The following EGFR variants were observed in gnomAD, a reference collection of about 807,000 sequenced individuals.
The protein encoded by EGFR is epidermal growth factor receptor, also known as avian erythroblastic leukemia viral (v-erb-b) oncogene homolog.
EGFR carries 58 observed loss-of-function variants against 143.0 expected under a neutral mutation model. That is an observed-to-expected ratio of 0.41 (90% CI 0.33 to 0.50). EGFR has a LOEUF of 0.50. Among genes scored for constraint, EGFR ranks in the 20% least tolerant of loss-of-function variants. EGFR has a pLI of 0.39. For synonymous variants in EGFR, 613 were observed against 594.4 expected, an observed-to-expected ratio of 1.03 and a Z score of -0.45; for missense variants, 1,307 against 1,579.0, an observed-to-expected ratio of 0.83 and a Z score of 2.92.
At chr7:55,085,702 C>A (rs17336031) in intron 1 of EGFR, among the ~76,000 whole-genome samples, 2 of 152,156 alleles carry the variant, frequency 1.3e-5, no homozygotes, top group African/African-American at 2.4e-5. Context: ...ATTCTGCTAA[C>A]GAAAATTGCG....
At chr7:55,183,949 G>A (rs1298257628) in intron 20 of EGFR, among the ~76,000 whole-genome samples, 1 of 152,172 alleles carries the variant, frequency 6.6e-6, no homozygotes, top group African/African-American at 2.4e-5. Flanking sequence ...AGGTGGTCGG[G>A]CCATCCGTGT....
intron 15 of EGFR, chr7:55,170,406 C>A (rs2128950618): frequency 1.2e-6 from 2 of 1,614,132 alleles, no homozygotes; most frequent in Non-Finnish European, 1.7e-6. Flanking sequence ...AGAGCGGGAG[C>A]CCAGCTGCTC....
chr7:55,094,473 A>G (rs1791323006), intron 1 of EGFR, among the ~76,000 whole-genome samples: 1 of 152,220 alleles, frequency 6.6e-6, no homozygotes, highest in Non-Finnish European at 1.5e-5. Context: ...CCTAAGATGT[A>G]GGCAGTTGAT....
At chr7:55,109,769 G>T in intron 1 of EGFR, 1 of 985,374 alleles carries the variant, frequency 1.0e-6, no homozygotes, top group Non-Finnish European at 1.2e-6. Flanking sequence ...TGACAAAAGG[G>T]CCTGTCTGGT....
intron 1 of EGFR, among the ~76,000 whole-genome samples, chr7:55,061,361 CAGCTGCTTCCAATT>C (rs1164046963): frequency 1.3e-5 from 2 of 152,188 alleles, no homozygotes; most frequent in African/African-American, 2.4e-5. Flanking sequence ...CCACTGTTGT[CAGCTGCTTCCAATT>C]AGCCCCCATA....
intron 15 of EGFR, chr7:55,166,445 G>A: frequency 2.0e-6 from 1 of 492,662 alleles, no homozygotes; most frequent in South Asian, 1.7e-5. Context: ...TCTGTAAATT[G>A]GGATAATAAT....
At chr7:55,170,707 C>T in intron 15 of EGFR, 2 of 1,528,152 alleles carry the variant, frequency 1.3e-6, no homozygotes, top group East Asian at 2.3e-5. Context: ...CCAGGACTGA[C>T]CTCTTCCTCC....
At chr7:55,099,593 G>A (rs181285068) in intron 1 of EGFR, among the ~76,000 whole-genome samples, 14 of 152,310 alleles carry the variant, frequency 9.2e-5, no homozygotes, top group African/African-American at 3.1e-4. Flanking sequence ...AAGAGACACC[G>A]AGGGGTTCAC....
chr7:55,203,948 T>A (rs929416801), intron 27 of EGFR, among the ~76,000 whole-genome samples: 10 of 150,972 alleles, frequency 6.6e-5, no homozygotes, highest in Non-Finnish European at 1.3e-4. Flanking sequence ...TATAAAAATA[T>A]GTAGAAATCT....
At chr7:55,087,180 T>A (rs73342742) in intron 1 of EGFR, among the ~76,000 whole-genome samples, 2,065 of 147,478 alleles carry the variant, frequency 0.014, 41 homozygotes, top group African/African-American at 0.048. Flanking sequence ...GCATTTCCAC[T>A]GAGAACACAA....
rs1785301772 is a variant in EGFR at position 55,154,264 on chromosome 7, C to T, written c.889+112C>T. The stretch of plus-strand genomic sequence containing the variant: ...GAGAGTCTTTGGGTGGATGTGTTTG[C>T]CTTGCTTGGAGGAGGCGACCCTGTG... On this transcript the variant is annotated intron_variant, in intron 7 of 27. Coordinates refer to ENST00000275493, the MANE Select transcript of EGFR (RefSeq NM_005228.5). 1.9e-6 allele frequency: 3 copies of T among 1,543,392 alleles called. No homozygotes were observed. The South Asian group carries it at 3.5e-5, about 18-fold the overall frequency.
intron 1 of EGFR, among the ~76,000 whole-genome samples, chr7:55,094,178 T>C (rs1791300100): frequency 6.6e-6 from 1 of 152,240 alleles, no homozygotes; most frequent in East Asian, 1.9e-4. Context: ...TGGAAATCAA[T>C]CTGTGGAAGT....
At chr7:55,142,194 C>A (rs2128925948) in intron 1 of EGFR, 92 bp from the exon 2 acceptor site, 2 of 1,503,718 alleles carry the variant, frequency 1.3e-6, no homozygotes, top group South Asian at 2.3e-5. Flanking sequence ...GAAGAAACTG[C>A]TACCCTTAAT....
rs2128944706 is a variant in EGFR, at chr7:55,163,778, C to T, written c.1677C>T (p.His559=). 2 of 1,614,226 alleles carry T rather than the reference C, an allele frequency of 1.2e-6. No homozygotes were observed. The highest frequency in any genetic ancestry group is 2.2e-5 in the South Asian group (2 of 91,084). Residue 559 remains histidine (H), a synonymous_variant, in exon 14 of 28, where the codon CAC becomes CAT. Transcript: ENST00000275493. ...AGAACTCTGAGTGCATACAGTGCCA[C>T]CCAGAGTGCCTGCCTCAGGCCATGA... ...FVENSECIQC[H]PECLPQAMNI...
At chr7:55,166,400 C>T in intron 15 of EGFR, 2 of 537,432 alleles carry the variant, frequency 3.7e-6, no homozygotes, top group Admixed American at 4.5e-5. Context: ...TGCCCTTGGG[C>T]AAGGGTCTTA....
At chr7:55,070,731 CAT>C (rs1486423750) in intron 1 of EGFR, among the ~76,000 whole-genome samples, 6 of 152,202 alleles carry the variant, frequency 3.9e-5, no homozygotes, top group Non-Finnish European at 7.3e-5. Flanking sequence ...AATTTGCAAA[CAT>C]GTGCAAGAAG....
intron 3 of EGFR, 49 bp downstream of exon 3, chr7:55,143,537 G>T (rs1253699990): frequency 1.0e-5 from 16 of 1,600,920 alleles, no homozygotes; most frequent in Admixed American, 1.7e-5. Context: ...GCAGACAGCA[G>T]TTCCGATGGC....
At chr7:55,176,462 G>A (rs958220175) in intron 19 of EGFR, among the ~76,000 whole-genome samples, 2 of 152,194 alleles carry the variant, frequency 1.3e-5, no homozygotes, top group African/African-American at 2.4e-5. Flanking sequence ...GCTTTCGCCT[G>A]TAATCCCAGC....
chr7:55,082,752 G>C (rs1790535254), intron 1 of EGFR, among the ~76,000 whole-genome samples: 1 of 152,208 alleles, frequency 6.6e-6, no homozygotes, highest in African/African-American at 2.4e-5. Flanking sequence ...TGCTCTAACA[G>C]ATCACCATCC....
Sources: allele counts gnomAD v4.1 joint callset (sites outside exome capture counted in the v4.1 genomes callset), GRCh38; gene constraint gnomAD v4.1.1; transcripts MANE v1.5; gene names NCBI Gene and HGNC (gene_info 2026-07-23, HGNC 2026-07-21).